Variants in PTPRT observed in about 807,000 individuals in gnomAD.
PTPRT encodes protein tyrosine phosphatase receptor type T.
PTPRT carries 56 observed loss-of-function variants against 176.8 expected under a neutral mutation model. The ratio of observed to expected loss-of-function variants is 0.32; its 90% CI spans 0.26 to 0.40. PTPRT has a LOEUF of 0.40. PTPRT is among the 10% of genes least tolerant of loss of function. The probability of loss-of-function intolerance (pLI) is 1.00; values close to 1 mark genes in which losing one functional copy is unlikely to be tolerated. For missense variants in PTPRT, 1,540 were observed against 1,908.2 expected, an observed-to-expected ratio of 0.81 and a Z score of 3.60; for synonymous variants, 783 against 739.0, an observed-to-expected ratio of 1.06 and a Z score of -0.96.
At position 42,075,807 on chromosome 20, in the gene PTPRT, A is replaced by T. The variant is rs1346387814; in HGVS notation, c.*5072T>A. 4.9e-6 allele frequency: 1 copy of T among 203,650 alleles called. No homozygotes were observed. Among genetic ancestry groups the T allele is most frequent in the Non-Finnish European group, 1.0e-5 (1 of 99,322 alleles). 12.6% of individuals were successfully genotyped at this position (203,650 alleles called of 1,614,324 possible). ...GAGCTAGTGTGGCAATGGGGAGTGG[A>T]GGATGAATAAACATGATGGGTCAGA... On this transcript the variant is annotated 3_prime_UTR_variant, in exon 31 of 31. Coordinates refer to ENST00000373187, the MANE Select transcript of PTPRT (RefSeq NM_007050.6).
At chr20:42,372,224 T>C (rs2058595351) in intron 9 of PTPRT, among the ~76,000 whole-genome samples, 1 of 150,376 alleles carries the variant, frequency 6.6e-6, no homozygotes, top group Non-Finnish European at 1.5e-5. Context: ...GGTCAGAAAA[T>C]AGGGGTTCTG....
chr20:42,830,494 T>A (rs1237487340), intron 2 of PTPRT, among the ~76,000 whole-genome samples: 2 of 152,150 alleles, frequency 1.3e-5, no homozygotes, highest in Non-Finnish European at 2.9e-5. Flanking sequence ...CAACATCATA[T>A]GGAATGGGGA....
chr20:42,139,819 G>C (rs1600576845), intron 18 of PTPRT, among the ~76,000 whole-genome samples: 1 of 152,280 alleles, frequency 6.6e-6, no homozygotes, highest in Non-Finnish European at 1.5e-5. Flanking sequence ...GCAGCTCCCT[G>C]TGGCAGAGTG....
chr20:42,676,428 C>T (rs968070567), intron 7 of PTPRT, among the ~76,000 whole-genome samples: 3 of 152,118 alleles, frequency 2.0e-5, no homozygotes, highest in Non-Finnish European at 4.4e-5. Context: ...GGGTCCTTCC[C>T]CTCCACCCAG....
At chr20:42,819,758 A>T (rs1359739086) in intron 2 of PTPRT, among the ~76,000 whole-genome samples, 3 of 152,004 alleles carry the variant, frequency 2.0e-5, no homozygotes, top group Non-Finnish European at 2.9e-5. Context: ...AAAATAAAAA[A>T]GCAGGGGTTG....
chr20:42,169,792 A>ACACACACACACACC, intron 16 of PTPRT, among the ~76,000 whole-genome samples: 2 of 95,456 alleles, frequency 2.1e-5, no homozygotes, highest in African/African-American at 7.0e-5. Context: ...ACACACACAC[A>ACACACACACACACC]ACAGTCAGTA....
intron 1 of PTPRT, among the ~76,000 whole-genome samples, chr20:43,185,758 C>T (rs927044250): frequency 1.4e-4 from 22 of 152,076 alleles, no homozygotes; most frequent in Non-Finnish European, 1.9e-4. Flanking sequence ...CATGGTGAAA[C>T]CCCGTCTCTA....
At chr20:43,163,456 G>A (rs934219813) in intron 1 of PTPRT, among the ~76,000 whole-genome samples, 1 of 152,072 alleles carries the variant, frequency 6.6e-6, no homozygotes, top group Non-Finnish European at 1.5e-5. Context: ...GGCTAACATG[G>A]TGAAACCCCG....
intron 7 of PTPRT, among the ~76,000 whole-genome samples, chr20:42,518,885 A>T (rs2072118089): frequency 6.6e-6 from 1 of 152,160 alleles, no homozygotes. Flanking sequence ...GTTTTAATGT[A>T]CAGTATTTTA....
intron 3 of PTPRT, among the ~76,000 whole-genome samples, chr20:42,783,870 G>C (rs1371232544): frequency 6.6e-6 from 1 of 152,090 alleles, no homozygotes; most frequent in Non-Finnish European, 1.5e-5. Flanking sequence ...AGGGGAGTAG[G>C]GATGGGATGT....
chr20:42,317,535 C>A (rs1354856871), intron 11 of PTPRT, among the ~76,000 whole-genome samples: 11 of 152,072 alleles, frequency 7.2e-5, no homozygotes, highest in Admixed American at 7.2e-4. Flanking sequence ...GGACCCCAAA[C>A]CAATCATTTA....
At chr20:43,119,612 C>T (rs1600725987) in intron 1 of PTPRT, among the ~76,000 whole-genome samples, 1 of 152,310 alleles carries the variant, frequency 6.6e-6, no homozygotes, top group Non-Finnish European at 1.5e-5. Context: ...CACAGATACA[C>T]CTGAATCCCA....
At chr20:43,104,247 A>G (rs17750714) in intron 1 of PTPRT, among the ~76,000 whole-genome samples, 15,420 of 152,172 alleles carry the variant, frequency 0.1, 989 homozygotes, top group South Asian at 0.16. Flanking sequence ...GCCTTCAGCA[A>G]GATTCTGATG....
chr20:43,103,551 C>G (rs8115468), intron 1 of PTPRT, among the ~76,000 whole-genome samples: 1 of 150,636 alleles, frequency 6.6e-6, no homozygotes, highest in East Asian at 1.9e-4. Context: ...CACTTTGGAC[C>G]CTCTATTCTT....
intron 7 of PTPRT, among the ~76,000 whole-genome samples, chr20:42,585,791 T>G (rs1052172477): frequency 1.3e-5 from 2 of 152,176 alleles, no homozygotes; most frequent in African/African-American, 4.8e-5. Flanking sequence ...ATAATAGAAA[T>G]CTATTGGGTT....
chr20:43,163,057 C>T (rs942075188), intron 1 of PTPRT, among the ~76,000 whole-genome samples: 3 of 152,176 alleles, frequency 2.0e-5, no homozygotes, highest in African/African-American at 7.2e-5. Flanking sequence ...AAATGGTGAA[C>T]CAGAAGAACT....
intron 1 of PTPRT, among the ~76,000 whole-genome samples, chr20:43,107,885 G>C (rs1273638259): frequency 6.6e-6 from 1 of 152,244 alleles, no homozygotes; most frequent in African/African-American, 2.4e-5. Flanking sequence ...TAAAATGTCA[G>C]AGATCATTAG....
intron 1 of PTPRT, among the ~76,000 whole-genome samples, chr20:43,079,692 A>G (rs1439588634): frequency 2.0e-5 from 3 of 152,164 alleles, no homozygotes; most frequent in Non-Finnish European, 4.4e-5. Flanking sequence ...GGTACAAAAG[A>G]AAGTTATTAA....
At chr20:42,410,991 T>A (rs2059010105) in intron 9 of PTPRT, among the ~76,000 whole-genome samples, 1 of 152,070 alleles carries the variant, frequency 6.6e-6, no homozygotes, top group East Asian at 1.9e-4. Context: ...AGTTCTCATA[T>A]CCATAATTTA....
Sources: gnomAD v4.1 joint callset for allele counts (sites outside exome capture counted in the v4.1 genomes callset) on GRCh38, gnomAD v4.1.1 for gene constraint, MANE v1.5 for transcripts, NCBI Gene and HGNC (gene_info 2026-07-23, HGNC 2026-07-21) for gene names.